The following CYTH1 variants were observed in gnomAD, a reference collection of about 807,000 sequenced individuals.
CYTH1 encodes cytohesin-1.
CYTH1 carries 18 observed loss-of-function variants against 61.8 expected under a neutral mutation model. The ratio of observed to expected loss-of-function variants is 0.29; its 90% confidence interval spans 0.20 to 0.43. The LOEUF is 0.43. CYTH1 is among the 20% of genes least tolerant of loss of function. CYTH1 has a pLI of 1.00. For missense variants in CYTH1, 336 were observed against 510.5 expected (o/e 0.66, Z 3.29); for synonymous variants, 174 against 184.3 (o/e 0.94, Z 0.45).
rs2093342483 is a variant in CYTH1 at position 78,741,671 on chromosome 17, TG to T, written c.23-31940del. Reference sequence around the variant, plus strand: ...TCATACTGCTGCTAAAAGTGGCAAATGGGAGCTCTCTGGCAAGAGTGTCAGT... The same window carrying T: ...TCATACTGCTGCTAAAAGTGGCAAATGGAGCTCTCTGGCAAGAGTGTCAGT... On this transcript the variant is annotated intron_variant, in intron 1 of 13. Coordinates refer to ENST00000446868, the MANE Select transcript of CYTH1 (RefSeq NM_004762.6). Among the ~76,000 whole-genome samples the T allele has an allele frequency of 3.9e-5, 6 of 152,174 alleles. No homozygotes were observed. In the South Asian group the frequency reaches 1.0e-3, roughly 26 times the overall value.
chr17:78,714,037 C>T (rs575435997), intron 1 of CYTH1, among the ~76,000 whole-genome samples: 2 of 152,238 alleles, frequency 1.3e-5, no homozygotes, highest in East Asian at 1.9e-4. Flanking sequence ...CGCCTGTAAT[C>T]CTAGCACTTT....
At position 78,760,519 on chromosome 17, in the gene CYTH1, A is replaced by ATATATATACATACATATATATG. The variant is rs1567879649; in HGVS notation, c.22+21682_22+21683insCATATATATGTATGTATATATA. Among the ~76,000 whole-genome samples, 206 of 47,580 alleles carry ATATATATACATACATATATATG rather than the reference A, an allele frequency of 4.3e-3. 7 individuals carry two copies. Among genetic ancestry groups the ATATATATACATACATATATATG allele is most frequent in the African/African-American group, 0.02 (196 of 9,818 alleles). 31.2% of individuals were successfully genotyped at this position (47,580 alleles called of 152,430 possible). On this transcript the variant is annotated intron_variant, in intron 1 of 13. Transcript: ENST00000446868. ...TATACATATATATGTATATATATGT[A>ATATATATACATACATATATATG]TATATATATATACATACATATATAT...
At chr17:78,733,146 A>C (rs2093303743) in intron 1 of CYTH1, among the ~76,000 whole-genome samples, 1 of 151,830 alleles carries the variant, frequency 6.6e-6, no homozygotes, top group Non-Finnish European at 1.5e-5. Flanking sequence ...AGCATTTTAG[A>C]AGCAATCTGA....
intron 1 of CYTH1, among the ~76,000 whole-genome samples, chr17:78,711,302 A>AATATAT (rs139889127): frequency 7.6e-6 from 1 of 132,250 alleles, no homozygotes; most frequent in African/African-American, 3.0e-5. Context: ...ATAAATAAAT[A>AATATAT]ATATATATAT....
chr17:78,768,417 T>G (rs1324557165), intron 1 of CYTH1, among the ~76,000 whole-genome samples: 1 of 152,162 alleles, frequency 6.6e-6, no homozygotes, highest in Non-Finnish European at 1.5e-5. Flanking sequence ...TAAATGGGTC[T>G]CTCAAAGTGG....
At chr17:78,706,172 C>A (rs1271947405) in intron 3 of CYTH1, among the ~76,000 whole-genome samples, 1 of 152,090 alleles carries the variant, frequency 6.6e-6, no homozygotes, top group African/African-American at 2.4e-5. Context: ...AATGCACACA[C>A]CTTAAGTGCA....
intron 1 of CYTH1, among the ~76,000 whole-genome samples, chr17:78,770,988 C>T (rs886679666): frequency 6.6e-6 from 1 of 152,070 alleles, no homozygotes; most frequent in African/African-American, 2.4e-5. Context: ...ACTGGCCAGG[C>T]GCAGTAGCTC....
At position 78,780,986 on chromosome 17, in the gene CYTH1, G is replaced by C. The variant is rs546873143; in HGVS notation, c.22+1216C>G. Among the ~76,000 whole-genome samples the C allele has an allele frequency of 1.2e-3, 188 of 151,914 alleles. 1 individual carries two copies. Among genetic ancestry groups the C allele is most frequent in the African/African-American group, 4.4e-3 (181 of 41,446 alleles). On this transcript the variant is annotated intron_variant, in intron 1 of 13. Transcript: ENST00000446868. ...GATGGCGCCACTGCACTACAGCCTG[G>C]GCGACAGAGTGAGACTCCGTTTCAA...
At chr17:78,779,195 G>A (rs2093506053) in intron 1 of CYTH1, among the ~76,000 whole-genome samples, 2 of 152,058 alleles carry the variant, frequency 1.3e-5, no homozygotes, top group Non-Finnish European at 1.5e-5. Flanking sequence ...GAGGTCAAGA[G>A]TTTGAGACCA....
intron 1 of CYTH1, among the ~76,000 whole-genome samples, chr17:78,719,042 G>A (rs2093206581): frequency 6.6e-6 from 1 of 152,230 alleles, no homozygotes; most frequent in South Asian, 2.1e-4. Flanking sequence ...CTGAGAAGGT[G>A]ATGACTTCAG....
rs1344207700 is a variant in CYTH1 at position 78,760,376 on chromosome 17, TATATATATACACAC to T, written c.22+21812_22+21825del. On this transcript the variant is annotated intron_variant, in intron 1 of 13. Coordinates refer to ENST00000446868, the MANE Select transcript of CYTH1 (RefSeq NM_004762.6). ...AGGTTTATATATATATATATATATA[TATATATATACACAC>T]ACATACATATATATATGTGTATATA... is the stretch of plus-strand genomic sequence containing the variant. Among the ~76,000 whole-genome samples the T allele has an allele frequency of 1.7e-3, 104 of 62,514 alleles. 4 individuals are homozygous for T. The highest frequency in any genetic ancestry group is 6.0e-3 in the African/African-American group (95 of 15,920). 41.0% of individuals were successfully genotyped at this position (62,514 alleles called of 152,430 possible). A position where few individuals can be genotyped will look rare whatever the true frequency, so the allele number is the denominator to read the frequency against.
At chr17:78,766,957 T>C (rs1278984228) in intron 1 of CYTH1, among the ~76,000 whole-genome samples, 1 of 152,300 alleles carries the variant, frequency 6.6e-6, no homozygotes, top group Non-Finnish European at 1.5e-5. Flanking sequence ...TCTCTACTTC[T>C]CCATTTCCTC....
intron 13 of CYTH1, among the ~76,000 whole-genome samples, chr17:78,679,937 C>T (rs568200586): frequency 2.0e-5 from 3 of 152,300 alleles, no homozygotes; most frequent in East Asian, 1.9e-4. Context: ...GTAGCTCACT[C>T]GCCTCTTCCT....
intron 1 of CYTH1, among the ~76,000 whole-genome samples, chr17:78,778,637 C>CAAAAAAAA (rs71309108): frequency 1.7e-4 from 11 of 64,202 alleles, no homozygotes; most frequent in African/African-American, 2.0e-4. Flanking sequence ...GACTCCATCT[C>CAAAAAAAA]AAAAAAAAAA....
chr17:78,766,249 C>T (rs1598922698), intron 1 of CYTH1, among the ~76,000 whole-genome samples: 2 of 152,218 alleles, frequency 1.3e-5, no homozygotes, highest in Admixed American at 1.3e-4. Flanking sequence ...TGAGTTCTTT[C>T]AGCAGCCTTT....
At chr17:78,715,574 A>G (rs965801047) in intron 1 of CYTH1, among the ~76,000 whole-genome samples, 1 of 152,170 alleles carries the variant, frequency 6.6e-6, no homozygotes, top group Admixed American at 6.5e-5. Flanking sequence ...ATGAAGGAGA[A>G]AGCAGCTGAG....
At chr17:78,739,296 C>A (rs1479737324) in intron 1 of CYTH1, among the ~76,000 whole-genome samples, 1 of 152,220 alleles carries the variant, frequency 6.6e-6, no homozygotes, top group Non-Finnish European at 1.5e-5. Flanking sequence ...ACATTAAGTG[C>A]CAGCCACTAG....
chr17:78,770,325 C>CAA lies in CYTH1; in HGVS notation c.22+11875_22+11876dup, dbSNP rs34583082. Reference sequence around the variant, plus strand: ...GCAACAAGAGCAAAATTCCCATCTCCAAAAAAAAAAAAAAGAAAAGAAAAG... The same window carrying CAA: ...GCAACAAGAGCAAAATTCCCATCTCCAAAAAAAAAAAAAAAAGAAAAGAAAAG... On this transcript the variant is annotated intron_variant, in intron 1 of 13. Transcript: ENST00000446868. Among the ~76,000 whole-genome samples, 327 of 43,802 alleles carry CAA rather than the reference C, an allele frequency of 7.5e-3. 3 individuals are homozygous for CAA. The highest frequency in any genetic ancestry group is 0.022 in the African/African-American group (295 of 13,636). 28.7% of individuals were successfully genotyped at this position (43,802 alleles called of 152,430 possible).
At chr17:78,743,877 T>C (rs1366835471) in intron 1 of CYTH1, among the ~76,000 whole-genome samples, 2 of 152,208 alleles carry the variant, frequency 1.3e-5, no homozygotes, top group African/African-American at 4.8e-5. Context: ...GGCCTATAGA[T>C]TGATGTGTGG....
Sources: gnomAD v4.1 joint callset for allele counts (sites outside exome capture counted in the v4.1 genomes callset) on GRCh38, gnomAD v4.1.1 for gene constraint, MANE v1.5 for transcripts, NCBI Gene and HGNC (gene_info 2026-07-23, HGNC 2026-07-21) for gene names.